Variants in NR5A2 observed in about 807,000 individuals in gnomAD.
The protein encoded by NR5A2 is nuclear receptor subfamily 5 group A member 2.
In NR5A2, 26 loss-of-function variants were observed where a neutral mutation model predicts 62.7. The observed-to-expected ratio is 0.41, with a 90% CI of 0.30 to 0.58. NR5A2 has a LOEUF of 0.58. NR5A2 is among the 20% of genes least tolerant of loss of function. The pLI is 0.22. For missense variants in NR5A2, 541 were observed against 669.1 expected, an observed-to-expected ratio of 0.81 and a Z score of 2.11; for synonymous variants, 246 against 241.7, an observed-to-expected ratio of 1.02 and a Z score of -0.16.
chr1:200,037,457 G>C (rs190440299), intron 1 of NR5A2, among the ~76,000 whole-genome samples: 1 of 152,104 alleles, frequency 6.6e-6, no homozygotes, highest in African/African-American at 2.4e-5. Context: ...TAAATTCTTC[G>C]CATTGCTGTG....
chr1:200,156,915 T>C (rs749621368), intron 7 of NR5A2, among the ~76,000 whole-genome samples: 37 of 152,192 alleles, frequency 2.4e-4, no homozygotes, highest in Non-Finnish European at 5.0e-4. Context: ...GATGGGCTTA[T>C]TGAGACATAA....
At position 200,027,743 on chromosome 1, in the gene NR5A2, G is replaced by A. The variant is rs1661398669; in HGVS notation, c.-105G>A. On this transcript the variant is annotated 5_prime_UTR_variant, in exon 1 of 8. Coordinates refer to ENST00000367362, the MANE Select transcript of NR5A2 (RefSeq NM_205860.3). ...TTAACTTTCACTAAGGGTTACTGTAGTCTGATGTGTCCTTCCCAAGGCCAC... is the reference window on the plus strand; with the variant it reads ...TTAACTTTCACTAAGGGTTACTGTAATCTGATGTGTCCTTCCCAAGGCCAC... The A allele has an allele frequency of 1.6e-6, 1 of 640,902 alleles. No homozygotes were observed. Among genetic ancestry groups the A allele is most frequent in the Non-Finnish European group, 2.7e-6 (1 of 368,880 alleles). The allele number at this position is 640,902 out of a possible 1,614,324, so 39.7% of individuals were successfully genotyped here. A position where few individuals can be genotyped will look rare whatever the true frequency, so the allele number is the denominator to read the frequency against.
In NR5A2 at chr1:200,164,193, C is replaced by A. The variant is rs1405290099; in HGVS notation, c.1379-9770C>A. 9.2e-5 allele frequency among the ~76,000 whole-genome samples: 14 copies of A among 152,336 alleles called. No individual in the cohort carries two copies. The South Asian group carries it at 2.9e-3, about 32-fold the overall frequency. On this transcript the variant is annotated intron_variant, in intron 7 of 7. Coordinates refer to ENST00000367362, the MANE Select transcript of NR5A2 (RefSeq NM_205860.3). The stretch of plus-strand genomic sequence containing the variant: ...TCCCCAGAAGCTGAGCAGATGCCAA[C>A]ACCATGCTTCCTGTAAAGCCTGCAG...
chr1:200,088,713 T>C (rs954973099), intron 5 of NR5A2, among the ~76,000 whole-genome samples: 3 of 152,222 alleles, frequency 2.0e-5, no homozygotes, highest in South Asian at 2.1e-4. Context: ...CCTTTGCCCT[T>C]TTCTCCACCT....
intron 7 of NR5A2, among the ~76,000 whole-genome samples, chr1:200,137,274 C>T (rs1181217613): frequency 6.6e-6 from 1 of 151,986 alleles, no homozygotes; most frequent in Non-Finnish European, 1.5e-5. Context: ...CCTCAGCCTC[C>T]CGAATAGCTG....
intron 5 of NR5A2, among the ~76,000 whole-genome samples, chr1:200,052,877 C>CAT (rs1662717370): frequency 6.6e-6 from 1 of 152,110 alleles, no homozygotes; most frequent in Non-Finnish European, 1.5e-5. Flanking sequence ...CCTGACCTTG[C>CAT]GATCCGCCCG....
At chr1:200,058,313 C>T (rs1303530087) in intron 5 of NR5A2, 1 of 152,122 alleles carries the variant, frequency 6.6e-6, no homozygotes, top group African/African-American at 2.4e-5. Flanking sequence ...GTTGTACCTG[C>T]AAGAGCAGGA....
At chr1:200,168,996 G>A (rs1654045391) in intron 7 of NR5A2, among the ~76,000 whole-genome samples, 1 of 152,092 alleles carries the variant, frequency 6.6e-6, no homozygotes, top group Non-Finnish European at 1.5e-5. Context: ...TATTTTCTAT[G>A]TGCAAAACGG....
intron 5 of NR5A2, among the ~76,000 whole-genome samples, chr1:200,089,635 ACTT>A (rs1046476734): frequency 1.3e-5 from 2 of 151,844 alleles, no homozygotes; most frequent in African/African-American, 4.8e-5. Flanking sequence ...AAGCCCAGCT[ACTT>A]CTTGTATTTT....
At chr1:200,053,569 G>GCACACACACACACACACA (rs34611924) in intron 5 of NR5A2, among the ~76,000 whole-genome samples, 2 of 141,994 alleles carry the variant, frequency 1.4e-5, no homozygotes, top group African/African-American at 5.3e-5. Flanking sequence ...GCATGCACAC[G>GCACACACACACACACACA]CACACACACA....
chr1:200,083,633 ATACAGTATTG>A (rs1452960186), intron 5 of NR5A2, among the ~76,000 whole-genome samples: 2 of 137,452 alleles, frequency 1.5e-5, no homozygotes, highest in Admixed American at 7.3e-5. Flanking sequence ...GTATATATAT[ATACAGTATTG>A]TACAGTATTG....
At chr1:200,088,155 T>C (rs1267989208) in intron 5 of NR5A2, among the ~76,000 whole-genome samples, 2 of 152,326 alleles carry the variant, frequency 1.3e-5, no homozygotes, top group East Asian at 3.9e-4. Context: ...TCCTCCCACA[T>C]TGGTTTCCCA....
chr1:200,164,997 C>T (rs1388866519), intron 7 of NR5A2, among the ~76,000 whole-genome samples: 1 of 151,080 alleles, frequency 6.6e-6, no homozygotes, highest in Non-Finnish European at 1.5e-5. Context: ...CTGCCTCAGC[C>T]TCCCGAGTAG....
At chr1:200,150,066 A>T (rs2816963) in intron 7 of NR5A2, among the ~76,000 whole-genome samples, 98,466 of 151,276 alleles carry the variant, frequency 0.65, 33,646 homozygotes, top group Non-Finnish European at 0.75. Context: ...GGATGGATGG[A>T]TGGTTGGTTG....
intron 7 of NR5A2, among the ~76,000 whole-genome samples, chr1:200,161,435 A>G (rs2102380118): frequency 6.6e-6 from 1 of 152,254 alleles, no homozygotes; most frequent in African/African-American, 2.4e-5. Context: ...TTCTGTCCTC[A>G]TTTTTATCCC....
At chr1:200,139,788 G>C (rs972282301) in intron 7 of NR5A2, among the ~76,000 whole-genome samples, 1 of 152,198 alleles carries the variant, frequency 6.6e-6, no homozygotes, top group East Asian at 1.9e-4. Flanking sequence ...ATTGGAGACA[G>C]ACATTCAAGG....
At chr1:200,108,552 C>T (rs1205215238) in intron 5 of NR5A2, among the ~76,000 whole-genome samples, 1 of 152,104 alleles carries the variant, frequency 6.6e-6, no homozygotes, top group African/African-American at 2.4e-5. Flanking sequence ...GGGGATTCTA[C>T]AGTCCCCCAC....
At chr1:200,040,742 A>G (rs897969976) in intron 2 of NR5A2, among the ~76,000 whole-genome samples, 9 of 152,108 alleles carry the variant, frequency 5.9e-5, no homozygotes, top group African/African-American at 1.2e-4. Context: ...ACTTGAAAGG[A>G]CTGGGAGGTG....
chr1:200,045,730 T>C, intron 4 of NR5A2, 146 bp downstream of exon 4: 1 of 597,060 alleles, frequency 1.7e-6, no homozygotes, highest in South Asian at 3.3e-5. Context: ...ATGTTTCATC[T>C]GCAGAATAGT....
Sources: gnomAD v4.1 joint callset for allele counts (sites outside exome capture counted in the v4.1 genomes callset) on GRCh38, gnomAD v4.1.1 for gene constraint, MANE v1.5 for transcripts, NCBI Gene and HGNC (gene_info 2026-07-23, HGNC 2026-07-21) for gene names.